The following PNLIPRP3 variants were observed in gnomAD, a reference collection of about 807,000 sequenced individuals.
PNLIPRP3 encodes pancreatic lipase-related protein 3.
A neutral mutation model predicts 52.8 loss-of-function variants in PNLIPRP3; 58 were observed. The observed-to-expected ratio is 1.10, with a 90% CI of 0.89 to 1.37. The LOEUF is 1.37. Among genes scored for constraint, PNLIPRP3 ranks in the 40% most tolerant of loss-of-function variants. The pLI, the probability that PNLIPRP3 is intolerant of heterozygous loss-of-function variation, is 0.00. For synonymous variants in PNLIPRP3, 192 were observed against 185.0 expected (o/e 1.04, Z -0.31); for missense variants, 593 against 561.6 (o/e 1.06, Z -0.57).
At chr10:116,475,793 G>A (rs1340294480) in intron 10 of PNLIPRP3, among the ~76,000 whole-genome samples, 8 of 152,176 alleles carry the variant, frequency 5.3e-5, no homozygotes, top group Admixed American at 4.6e-4. Flanking sequence ...TATAAGTTAT[G>A]AAGAAATAAG....
chr10:116,444,411 C>A lies in PNLIPRP3; in HGVS notation c.354C>A (p.Cys118Ter). 6.2e-7 allele frequency: 1 copy of A among 1,609,804 alleles called. No individual in the cohort carries two copies. Among genetic ancestry groups the A allele is most frequent in the Non-Finnish European group, 8.5e-7 (1 of 1,177,228 alleles). Residue 118 changes from cysteine (C) to a stop codon, truncating the protein, a stop_gained, in exon 4 of 12, where the codon TGC becomes TGA. Coordinates refer to ENST00000369230, the MANE Select transcript of PNLIPRP3 (RefSeq NM_001011709.3). LOFTEE classifies it high-confidence loss of function. The part of the protein sequence containing the change: ...NVLLQLEDIN[C>*]INLDWINGSR... ...TGCTACAGCTGGAAGATATAAATTG[C>A]ATTAATTTAGATTGGATCAACGGTT...
At chr10:116,430,797 T>C (rs538678259) in intron 1 of PNLIPRP3, among the ~76,000 whole-genome samples, 1 of 152,324 alleles carries the variant, frequency 6.6e-6, no homozygotes, top group Non-Finnish European at 1.5e-5. Flanking sequence ...ATCTCATCTA[T>C]TAAATCTGTA....
Position 116,436,850 on chromosome 10 carries a change from T to C in PNLIPRP3, c.189T>C (p.Asn63=), listed in dbSNP as rs764827496. 1.3e-6 allele frequency: 2 copies of C among 1,593,560 alleles called. No homozygotes were observed. Among genetic ancestry groups the C allele is most frequent in the Non-Finnish European group, 8.6e-7 (1 of 1,168,580 alleles). The stretch of plus-strand genomic sequence containing the variant: ...GTTTCCTGCTCTACACTATACACAA[T>C]CCCAATGCCTATCAGGTAAGCTAAC... The part of the protein sequence containing the change: ...NTRFLLYTIH[N]PNAYQEISAV... Residue 63 remains asparagine (N), a synonymous_variant, in exon 2 of 12, where the codon AAT becomes AAC. Transcript: ENST00000369230.
intron 4 of PNLIPRP3, among the ~76,000 whole-genome samples, chr10:116,452,738 T>A (rs1371550996): frequency 6.6e-6 from 1 of 152,224 alleles, no homozygotes; most frequent in Non-Finnish European, 1.5e-5. Flanking sequence ...TGGTGTTAAA[T>A]CTGCAGATGC....
At chr10:116,434,290 C>G (rs1236538305) in intron 1 of PNLIPRP3, among the ~76,000 whole-genome samples, 1 of 151,990 alleles carries the variant, frequency 6.6e-6, no homozygotes, top group African/African-American at 2.4e-5. Flanking sequence ...ATTTTGGTAC[C>G]TTTCTTTTAA....
intron 1 of PNLIPRP3, among the ~76,000 whole-genome samples, chr10:116,433,008 G>C (rs1008440625): frequency 6.6e-6 from 1 of 150,560 alleles, no homozygotes; most frequent in Admixed American, 6.6e-5. Flanking sequence ...CAGCTACGCG[G>C]GAGGCTGAAG....
intron 8 of PNLIPRP3, among the ~76,000 whole-genome samples, chr10:116,466,404 A>G (rs1044102374): frequency 5.3e-5 from 8 of 152,128 alleles, no homozygotes; most frequent in Non-Finnish European, 8.8e-5. Context: ...AATTATATAC[A>G]ATTTTGCTTT....
chr10:116,457,297 C>G (rs1223717148), intron 5 of PNLIPRP3, among the ~76,000 whole-genome samples: 1 of 152,172 alleles, frequency 6.6e-6, no homozygotes, highest in Admixed American at 6.5e-5. Flanking sequence ...CCAGGCTTGG[C>G]CACAGAAGCG....
intron 7 of PNLIPRP3, among the ~76,000 whole-genome samples, chr10:116,461,853 A>G (rs1008569942): frequency 3.9e-5 from 6 of 152,168 alleles, no homozygotes; most frequent in Non-Finnish European, 8.8e-5. Flanking sequence ...GGGGAGAGGC[A>G]TTCCAGGCCA....
At chr10:116,475,915 T>G (rs554292324) in intron 10 of PNLIPRP3, among the ~76,000 whole-genome samples, 1 of 152,270 alleles carries the variant, frequency 6.6e-6, no homozygotes, top group East Asian at 1.9e-4. Flanking sequence ...AAAAAGGGAC[T>G]GTTTCATCAG....
chr10:116,437,395 G>A (rs1448764710), intron 2 of PNLIPRP3, among the ~76,000 whole-genome samples: 1 of 152,140 alleles, frequency 6.6e-6, no homozygotes, highest in Admixed American at 6.5e-5. Context: ...TATCCTGCAG[G>A]ATGGGCAAAG....
intron 4 of PNLIPRP3, among the ~76,000 whole-genome samples, chr10:116,449,608 G>A (rs1486602915): frequency 6.6e-6 from 1 of 152,118 alleles, no homozygotes; most frequent in Non-Finnish European, 1.5e-5. Flanking sequence ...TGACAGATTG[G>A]AAGGGAGAAA....
At position 116,428,051 on chromosome 10, in the gene PNLIPRP3, C is replaced by T. The variant is rs1310090833; in HGVS notation, c.39C>T (p.Gly13=). The change falls in exon 1 of 12, where the codon GGC becomes GGT. Residue 13 remains glycine, a synonymous_variant. Coordinates refer to ENST00000369230, the MANE Select transcript of PNLIPRP3 (RefSeq NM_001011709.3). ...GGATTGTTGCATTCTTGTTCTTTGG[C>T]ACATCAAGAGGTAAGATTCATAATT... The part of the protein sequence containing the change: ...GIWIVAFLFF[G]TSRGKEVCYE... 4 of 1,605,392 alleles carry T rather than the reference C, an allele frequency of 2.5e-6. No homozygotes were observed. Among genetic ancestry groups the T allele is most frequent in the South Asian group, 1.1e-5 (1 of 90,368 alleles).
intron 5 of PNLIPRP3, among the ~76,000 whole-genome samples, chr10:116,458,156 G>T (rs1244403063): frequency 6.6e-6 from 1 of 152,170 alleles, no homozygotes; most frequent in Non-Finnish European, 1.5e-5. Flanking sequence ...GGGTTACTCA[G>T]CTGATTCTGC....
intron 5 of PNLIPRP3, among the ~76,000 whole-genome samples, 188 bp downstream of exon 5, chr10:116,456,018 G>A (rs1207636575): frequency 6.6e-6 from 1 of 152,230 alleles, no homozygotes; most frequent in Non-Finnish European, 1.5e-5. Context: ...GGGGTTCATT[G>A]CAGCGTTGTC....
chr10:116,477,236 T>C lies in PNLIPRP3; in HGVS notation c.*83T>C. 8.5e-7 allele frequency: 1 copy of C among 1,170,134 alleles called. No homozygotes were observed. The highest frequency in any genetic ancestry group is 1.2e-6 in the Non-Finnish European group (1 of 813,538). The allele number at this position is 1,170,134 out of a possible 1,614,324, so 72.5% of individuals were successfully genotyped here. On this transcript the variant is annotated 3_prime_UTR_variant, in exon 12 of 12. Coordinates refer to ENST00000369230, the MANE Select transcript of PNLIPRP3 (RefSeq NM_001011709.3). ...TTCCACCTGGCATCCAGACCAAATT[T>C]GACCCTTGTAAATGACTTAGTCATT...
At chr10:116,469,385 T>TA in intron 9 of PNLIPRP3, 68 bp downstream of exon 9, 2 of 1,447,414 alleles carry the variant, frequency 1.4e-6, no homozygotes, top group South Asian at 2.9e-5. Context: ...CAACAGTTTT[T>TA]ATTGAGTGTC....
intron 4 of PNLIPRP3, among the ~76,000 whole-genome samples, chr10:116,452,074 G>C (rs1291834926): frequency 6.6e-6 from 1 of 152,182 alleles, no homozygotes; most frequent in African/African-American, 2.4e-5. Context: ...AGATAGAAAT[G>C]ACAAAGTTAT....
chr10:116,454,943 G>A (rs2133135270), intron 4 of PNLIPRP3, among the ~76,000 whole-genome samples: 1 of 152,246 alleles, frequency 6.6e-6, no homozygotes, highest in Admixed American at 6.5e-5. Context: ...TCTATTTTTA[G>A]TTTTTCAAGG....
Sources: gnomAD v4.1 joint callset for allele counts (sites outside exome capture counted in the v4.1 genomes callset) on GRCh38, gnomAD v4.1.1 for gene constraint, MANE v1.5 for transcripts, NCBI Gene and HGNC (gene_info 2026-07-23, HGNC 2026-07-21) for gene names.